The following TTC1 variants were observed in gnomAD, a reference collection of about 807,000 sequenced individuals.
The protein encoded by TTC1 is tetratricopeptide repeat protein 1.
A neutral mutation model predicts 37.6 loss-of-function variants in TTC1; 31 were observed. The observed-to-expected ratio is 0.82, with a 90% CI of 0.62 to 1.11. TTC1 has a LOEUF of 1.11. Among genes scored for constraint, TTC1 ranks in the 50% most tolerant of loss-of-function variants. The pLI is 0.00. For missense variants in TTC1, 351 were observed against 339.0 expected (o/e 1.04, Z -0.28); for synonymous variants, 127 against 122.4 (o/e 1.04, Z -0.25).
intron 4 of TTC1, among the ~76,000 whole-genome samples, chr5:160,037,774 G>A (rs1757020603): frequency 6.6e-6 from 1 of 151,584 alleles, no homozygotes. Flanking sequence ...GGATTGAAAT[G>A]AGAGTGGTTT....
At chr5:160,035,717 T>C (rs1756988465) in intron 3 of TTC1, among the ~76,000 whole-genome samples, 1 of 152,200 alleles carries the variant, frequency 6.6e-6, no homozygotes, top group Non-Finnish European at 1.5e-5. Flanking sequence ...AGTAGGGAGA[T>C]TCTTCATGTC....
chr5:160,011,174 T>C (rs1334451077), intron 2 of TTC1, among the ~76,000 whole-genome samples: 2 of 152,380 alleles, frequency 1.3e-5, no homozygotes, highest in Admixed American at 6.5e-5. Context: ...TTTTCTGTTA[T>C]GAACTTTTCT....
intron 4 of TTC1, among the ~76,000 whole-genome samples, chr5:160,041,685 T>C (rs1486841832): frequency 6.6e-6 from 1 of 152,130 alleles, no homozygotes; most frequent in Non-Finnish European, 1.5e-5. Flanking sequence ...ACCTGAGTAG[T>C]AGGTTATGCC....
At chr5:160,058,512 G>A (rs534082262) in intron 7 of TTC1, among the ~76,000 whole-genome samples, 2 of 150,074 alleles carry the variant, frequency 1.3e-5, no homozygotes, top group African/African-American at 2.4e-5. Flanking sequence ...CTGGGTTCAC[G>A]CCATTCTCCT....
At chr5:160,026,142 G>A (rs1045199158) in intron 2 of TTC1, among the ~76,000 whole-genome samples, 1 of 152,162 alleles carries the variant, frequency 6.6e-6, no homozygotes, top group East Asian at 1.9e-4. Context: ...ATTCCACAGT[G>A]TTATAGAAGT....
chr5:160,057,084 A>G lies in TTC1; in HGVS notation c.745+5901A>G, dbSNP rs1757565207. On this transcript the variant is annotated intron_variant, in intron 7 of 7. Coordinates refer to ENST00000231238, the MANE Select transcript of TTC1 (RefSeq NM_003314.3). This position sits in a 1 kb window ranked among gnomAD's most constrained non-coding sequence, Gnocchi z 4.4. ...TCTGGCCACATGGCACAAGAAACCA[A>G]TTCCTTGTTGTGGTTGGTTGTTCCC... 1.3e-5 allele frequency among the ~76,000 whole-genome samples: 2 copies of G among 152,164 alleles called. No homozygotes were observed. Among genetic ancestry groups the G allele is most frequent in the African/African-American group, 2.4e-5 (1 of 41,450 alleles).
At chr5:160,018,279 T>C (rs1182911297) in intron 2 of TTC1, among the ~76,000 whole-genome samples, 1 of 152,124 alleles carries the variant, frequency 6.6e-6, no homozygotes, top group African/African-American at 2.4e-5. Context: ...CTGTGCAAAA[T>C]AAATTTCTAT....
At chr5:160,053,268 A>C (rs1443205261) in intron 7 of TTC1, among the ~76,000 whole-genome samples, 1 of 152,206 alleles carries the variant, frequency 6.6e-6, no homozygotes, top group African/African-American at 2.4e-5. Flanking sequence ...GATGGCTTCT[A>C]TGGAGAATAA....
intron 2 of TTC1, 25 bp downstream of exon 2, chr5:160,010,883 GA>G (rs761228341): frequency 1.3e-6 from 2 of 1,592,160 alleles, no homozygotes; most frequent in African/African-American, 2.7e-5. Flanking sequence ...TATTGTGCAA[GA>G]TCTGCCACTT....
At chr5:160,054,758 G>C (rs1435148924) in intron 7 of TTC1, among the ~76,000 whole-genome samples, 1 of 152,098 alleles carries the variant, frequency 6.6e-6, no homozygotes, top group African/African-American at 2.4e-5. Context: ...TTTGAAGTCA[G>C]GTTTCATATG....
chr5:160,032,907 G>A (rs986221271), intron 2 of TTC1, among the ~76,000 whole-genome samples: 3 of 150,796 alleles, frequency 2.0e-5, no homozygotes, highest in African/African-American at 7.3e-5. Context: ...GGTATTTTTA[G>A]TAGAGACAGG....
chr5:160,029,471 C>CT (rs1406980445), intron 2 of TTC1, among the ~76,000 whole-genome samples: 1 of 138,996 alleles, frequency 7.2e-6, no homozygotes, highest in Admixed American at 7.7e-5. Flanking sequence ...GTGAGACCCC[C>CT]CCATCTCTAC....
rs76037613 is a variant in TTC1, at chr5:160,039,532, C to T, written c.504+2729C>T. On this transcript the variant is annotated intron_variant, in intron 4 of 7. Coordinates refer to ENST00000231238, the MANE Select transcript of TTC1 (RefSeq NM_003314.3). The stretch of plus-strand genomic sequence containing the variant: ...TGTAAGCAGCAGACAACACCTGGGT[C>T]CTCTGAGGTATTAGTAGACTATGAG... 7.4e-4 allele frequency among the ~76,000 whole-genome samples: 113 copies of T among 151,764 alleles called. No homozygotes were observed. In the East Asian group the frequency reaches 0.021, roughly 28 times the overall value.
At chr5:160,032,080 C>T (rs952576284) in intron 2 of TTC1, among the ~76,000 whole-genome samples, 4 of 152,184 alleles carry the variant, frequency 2.6e-5, no homozygotes, top group African/African-American at 4.8e-5. Context: ...ATACTTGAGA[C>T]GTGGTTTTGC....
At chr5:160,046,897 A>G (rs1757265450) in intron 5 of TTC1, among the ~76,000 whole-genome samples, 1 of 152,150 alleles carries the variant, frequency 6.6e-6, no homozygotes, top group Non-Finnish European at 1.5e-5. Flanking sequence ...CTGTAATCCC[A>G]GCTACTCAGG....
chr5:160,013,507 G>A (rs1168393345), intron 2 of TTC1, among the ~76,000 whole-genome samples: 1 of 152,060 alleles, frequency 6.6e-6, no homozygotes, highest in Non-Finnish European at 1.5e-5. Context: ...CACTTTGGGA[G>A]GCTGAGGCGG....
chr5:160,018,729 T>C (rs764111030), intron 2 of TTC1, among the ~76,000 whole-genome samples: 3 of 152,166 alleles, frequency 2.0e-5, no homozygotes, highest in Non-Finnish European at 4.4e-5. Context: ...AATAAGAGAA[T>C]TCAGTTCTTA....
At chr5:160,053,118 C>G (rs1035309204) in intron 7 of TTC1, among the ~76,000 whole-genome samples, 3 of 152,014 alleles carry the variant, frequency 2.0e-5, no homozygotes, top group Non-Finnish European at 4.4e-5. Context: ...CTCCTTGTTG[C>G]TGATGAGGTA....
intron 4 of TTC1, 141 bp from the exon 5 acceptor site, chr5:160,042,992 C>T (rs903080900): frequency 1.2e-6 from 1 of 836,056 alleles, no homozygotes; most frequent in Non-Finnish European, 1.8e-6. Context: ...TTGGAAGTAA[C>T]ATTCAGGTTT....
Sources: gnomAD v4.1 joint callset for allele counts (sites outside exome capture counted in the v4.1 genomes callset) on GRCh38, gnomAD v4.1.1 for gene constraint, Gnocchi (gnomAD v3.1) non-coding constraint, MANE v1.5 for transcripts, NCBI Gene and HGNC (gene_info 2026-07-23, HGNC 2026-07-21) for gene names.